C10orf143: variants seen among roughly 807,000 people sequenced by gnomAD.
C10orf143 encodes the protein chromosome 10 open reading frame 143, also known as uncharacterized protein C10orf143.
At position 130,094,289 on chromosome 10, in the gene C10orf143, C is replaced by A. The variant is rs140721370; in HGVS notation, c.70-14388G>T. On this transcript the variant is annotated intron_variant, in intron 1 of 3. Transcript: ENST00000637128. ...CAGACAGATTCACAGGCAAATTCTACCAGAGGTACAAAGAGGAGCTGGTAC... is the reference window on the plus strand; with the variant it reads ...CAGACAGATTCACAGGCAAATTCTAACAGAGGTACAAAGAGGAGCTGGTAC... 6.5e-3 allele frequency among the ~76,000 whole-genome samples: 986 copies of A among 152,208 alleles called. 8 individuals carry two copies. Among genetic ancestry groups the A allele is most frequent in the African/African-American group, 0.023 (964 of 41,518 alleles).
chr10:130,105,992 G>A (rs1861637542), intron 1 of C10orf143: 14 of 425,064 alleles, frequency 3.3e-5, no homozygotes, highest in South Asian at 2.4e-4. Flanking sequence ...CGAGTTCTCC[G>A]CTGCTTGTTG....
chr10:130,103,624 T>A (rs1019516192), intron 1 of C10orf143, among the ~76,000 whole-genome samples: 1 of 151,816 alleles, frequency 6.6e-6, no homozygotes, highest in Admixed American at 6.6e-5. Flanking sequence ...CTGGGCAACA[T>A]GGCAAGATCC....
chr10:130,048,008 A>G (rs1860696468), intron 3 of C10orf143, among the ~76,000 whole-genome samples: 2 of 152,124 alleles, frequency 1.3e-5, no homozygotes, highest in Admixed American at 6.5e-5. Flanking sequence ...CTCCCCCTCA[A>G]TACTATTTGC....
chr10:130,069,497 GTTC>G (rs1860995418), intron 3 of C10orf143, among the ~76,000 whole-genome samples: 1 of 152,146 alleles, frequency 6.6e-6, no homozygotes, highest in South Asian at 2.1e-4. Flanking sequence ...ATGGAGTTTT[GTTC>G]TTCTAATTGA....
rs115840065 is a variant in C10orf143 at position 130,042,358 on chromosome 10, C to T, written c.298-6388G>A. Among the ~76,000 whole-genome samples the T allele has an allele frequency of 4.3e-3, 654 of 152,334 alleles. 5 individuals carry two copies. Among genetic ancestry groups the T allele is most frequent in the African/African-American group, 0.015 (618 of 41,580 alleles). On this transcript the variant is annotated intron_variant and NMD_transcript_variant, in intron 3 of 5. Transcript: ENST00000643056. Reference sequence around the variant, plus strand: ...TAGAAAATCTGCTAATTTGATTAAACTTACATTCTTAGAAGAGTTTGTGAA... The same window carrying T: ...TAGAAAATCTGCTAATTTGATTAAATTTACATTCTTAGAAGAGTTTGTGAA...
At chr10:130,107,532 T>G (rs763801338) in intron 1 of C10orf143, 1 of 1,347,572 alleles carries the variant, frequency 7.4e-7, no homozygotes, top group Non-Finnish European at 1.1e-6. Context: ...ATAAAACTTC[T>G]AAAAAAAGAT....
chr10:130,079,000 T>C (rs1215288987), intron 3 of C10orf143, among the ~76,000 whole-genome samples: 2 of 152,214 alleles, frequency 1.3e-5, no homozygotes, highest in African/African-American at 4.8e-5. Context: ...TTGGAGTAAG[T>C]TCAAAATTAA....
At chr10:130,038,916 G>C (rs902056505) in intron 3 of C10orf143, among the ~76,000 whole-genome samples, 1 of 152,218 alleles carries the variant, frequency 6.6e-6, no homozygotes, top group Admixed American at 6.5e-5. Context: ...GGGCAGGGGA[G>C]TGCTGCACTG....
At chr10:130,052,833 A>G (rs1300786711) in intron 3 of C10orf143, among the ~76,000 whole-genome samples, 5 of 152,234 alleles carry the variant, frequency 3.3e-5, no homozygotes, top group Non-Finnish European at 7.3e-5. Flanking sequence ...AAATTCTTGC[A>G]TTCACTCTGA....
At chr10:130,090,583 AG>A (rs1189940025) in intron 1 of C10orf143, among the ~76,000 whole-genome samples, 2 of 152,098 alleles carry the variant, frequency 1.3e-5, no homozygotes, top group African/African-American at 4.8e-5. Context: ...TCCCCTGGAA[AG>A]GGGGCTGAAG....
intron 1 of C10orf143, chr10:130,106,127 G>C (rs187602488): frequency 5.6e-6 from 4 of 714,956 alleles, no homozygotes; most frequent in Admixed American, 2.0e-5. Flanking sequence ...AGCGCTGCCT[G>C]AAAGTATGAG....
chr10:130,088,663 C>T (rs1003216655), intron 1 of C10orf143, among the ~76,000 whole-genome samples: 3 of 152,166 alleles, frequency 2.0e-5, no homozygotes, highest in African/African-American at 7.2e-5. Context: ...GATAAAGTTA[C>T]TTCTGCAGGA....
At chr10:130,107,554 T>C in intron 1 of C10orf143, 1 of 1,345,370 alleles carries the variant, frequency 7.4e-7, no homozygotes, top group South Asian at 1.2e-5. Flanking sequence ...CTTATGTACT[T>C]GATGTTCCAA....
intron 3 of C10orf143, among the ~76,000 whole-genome samples, chr10:130,057,661 C>T (rs1490353466): frequency 6.6e-6 from 1 of 152,182 alleles, no homozygotes; most frequent in Non-Finnish European, 1.5e-5. Context: ...ACAACAGGGT[C>T]AGCATGTGGA....
chr10:130,084,468 T>G (rs1861258773), intron 1 of C10orf143, among the ~76,000 whole-genome samples: 1 of 152,190 alleles, frequency 6.6e-6, no homozygotes, highest in African/African-American at 2.4e-5. Flanking sequence ...GATAAATAAG[T>G]AAATACACTG....
intron 1 of C10orf143, among the ~76,000 whole-genome samples, chr10:130,087,210 C>T (rs981516259): frequency 6.6e-6 from 1 of 152,190 alleles, no homozygotes; most frequent in Non-Finnish European, 1.5e-5. Flanking sequence ...CATGGATGGG[C>T]CTGGACCAAA....
chr10:130,068,748 A>G (rs929728363), intron 3 of C10orf143: 1 of 124,604 alleles, frequency 8.0e-6, no homozygotes, highest in Non-Finnish European at 1.8e-5. Context: ...GTTTAGAAGT[A>G]TAAGTGAAAT....
At chr10:130,074,495 C>A (rs766634172) in intron 3 of C10orf143, among the ~76,000 whole-genome samples, 7 of 152,138 alleles carry the variant, frequency 4.6e-5, no homozygotes, top group Admixed American at 1.3e-4. Context: ...CACTGCGCAT[C>A]GATCTCTGTT....
chr10:130,106,239 C>G (rs1222347906), intron 1 of C10orf143: 4 of 1,414,096 alleles, frequency 2.8e-6, no homozygotes, highest in Admixed American at 1.7e-5. Context: ...AGTTTTAGAT[C>G]GGTTAGGAGT....
Sources: allele counts gnomAD v4.1 joint callset (sites outside exome capture counted in the v4.1 genomes callset), GRCh38; gene constraint gnomAD v4.1.1; transcripts MANE v1.5; gene names NCBI Gene and HGNC (gene_info 2026-07-23, HGNC 2026-07-21).